The following MAP2K5 variants were observed in gnomAD, a reference collection of about 807,000 sequenced individuals.
MAP2K5 encodes mitogen-activated protein kinase kinase 5.
In MAP2K5, 49 loss-of-function variants were observed where a neutral mutation model predicts 83.1. The observed-to-expected ratio is 0.59, with a 90% CI of 0.47 to 0.75. The LOEUF is 0.75. Among genes scored for constraint, MAP2K5 ranks in the 30% least tolerant of loss-of-function variants. The probability of loss-of-function intolerance (pLI) is 0.00; values close to 1 mark genes in which losing one functional copy is unlikely to be tolerated. For synonymous variants in MAP2K5, 202 were observed against 191.8 expected (o/e 1.05, Z -0.44); for missense variants, 457 against 557.5 (o/e 0.82, Z 1.82).
chr15:67,806,519 C>T lies in MAP2K5; in HGVS notation c.1243-127C>T, dbSNP rs573898130. 105 of 786,330 alleles carry T rather than the reference C, an allele frequency of 1.3e-4. No homozygotes were observed. In the East Asian group the frequency reaches 2.7e-3, roughly 20 times the overall value. 48.7% of individuals were successfully genotyped at this position (786,330 alleles called of 1,614,324 possible). On this transcript the variant is annotated intron_variant, in intron 21 of 21. Transcript: ENST00000178640. ...TAGGCCGTGAAATGGAGCTGATAGC[C>T]TCCCTCGTTACCTCACAGGGTTACT...
At chr15:67,773,098 A>G (rs566630507) in intron 21 of MAP2K5, among the ~76,000 whole-genome samples, 24 of 152,276 alleles carry the variant, frequency 1.6e-4, no homozygotes, top group Admixed American at 7.8e-4. Flanking sequence ...TTTTAGTGCA[A>G]TTCTGCAGAA....
At chr15:67,796,566 C>T (rs12905175) in intron 21 of MAP2K5, among the ~76,000 whole-genome samples, 6,016 of 152,274 alleles carry the variant, frequency 0.04, 203 homozygotes, top group Non-Finnish European at 0.063. Flanking sequence ...ACCTCCTGTT[C>T]CAGTCACCTC....
intron 13 of MAP2K5, among the ~76,000 whole-genome samples, chr15:67,681,223 A>G (rs1219853721): frequency 6.6e-6 from 1 of 152,216 alleles, no homozygotes; most frequent in Non-Finnish European, 1.5e-5. Context: ...TATACAGGAT[A>G]TGATGTACAA....
intron 3 of MAP2K5, among the ~76,000 whole-genome samples, chr15:67,579,778 A>G (rs2085141742): frequency 6.6e-6 from 1 of 152,252 alleles, no homozygotes; most frequent in Non-Finnish European, 1.5e-5. Flanking sequence ...CTTCTAAAAA[A>G]AAACTTTTAA....
At chr15:67,756,093 TGCC>T (rs1320388679) in intron 19 of MAP2K5, among the ~76,000 whole-genome samples, 1 of 152,230 alleles carries the variant, frequency 6.6e-6, no homozygotes, top group Non-Finnish European at 1.5e-5. Flanking sequence ...AGCTGTGGCT[TGCC>T]ACAGTCCTAT....
intron 13 of MAP2K5, among the ~76,000 whole-genome samples, chr15:67,681,767 G>T (rs778579716): frequency 6.6e-6 from 1 of 152,158 alleles, no homozygotes; most frequent in Non-Finnish European, 1.5e-5. Context: ...GTATGAAAAG[G>T]ACCCATAATT....
chr15:67,693,486 A>G (rs1827881398), intron 14 of MAP2K5, 32 bp from the exon 15 acceptor site: 2 of 1,556,922 alleles, frequency 1.3e-6, no homozygotes, highest in East Asian at 2.3e-5. Flanking sequence ...CATTATCTTT[A>G]TATTGTTCTA....
chr15:67,744,683 A>T (rs1187469784), intron 17 of MAP2K5, among the ~76,000 whole-genome samples: 1 of 152,258 alleles, frequency 6.6e-6, no homozygotes, highest in East Asian at 1.9e-4. Context: ...ACAGAGAGCA[A>T]AGCATAAAGT....
In MAP2K5 at chr15:67,727,902, AT is replaced by A. The variant is rs1346409312; in HGVS notation, c.1045-11del. 3 of 1,606,608 alleles carry A rather than the reference AT, an allele frequency of 1.9e-6. No individual in the cohort carries two copies. The highest frequency in any genetic ancestry group is 2.6e-6 in the Non-Finnish European group (3 of 1,173,386). On this transcript the variant is annotated splice_polypyrimidine_tract_variant and intron_variant, in intron 16 of 21. Coordinates refer to ENST00000178640, the MANE Select transcript of MAP2K5 (RefSeq NM_145160.3). ...GCAAATCTATAACTAGACAAATATT[AT>A]TTCCTTTCCCAGCTTGCTCTTGGGA... is the stretch of plus-strand genomic sequence containing the variant.
Position 67,644,082 on chromosome 15 carries a change from C to T in MAP2K5, c.586-2149C>T, listed in dbSNP as rs1262000688. Among the ~76,000 whole-genome samples the T allele has an allele frequency of 1.3e-5, 2 of 152,198 alleles. No individual in the cohort carries two copies. Among genetic ancestry groups the T allele is most frequent in the Non-Finnish European group, 2.9e-5 (2 of 68,042 alleles). On this transcript the variant is annotated intron_variant, in intron 9 of 21. Coordinates refer to ENST00000178640, the MANE Select transcript of MAP2K5 (RefSeq NM_145160.3). This position sits in a 1 kb window ranked among gnomAD's most constrained non-coding sequence, Gnocchi z 4.6. ...AAAATTGTTTTCCACCTATTCTATT[C>T]TCATCACTGCCTTTTAAAAGTAAAA...
rs2090130151 is a variant in MAP2K5, at chr15:67,770,960, C to T, written c.1196+1297C>T. ...GTGTAGCTTTTAAAAACTATTTTTA[C>T]TCTGAAAACATTTTATTTCCAAAGC... is the stretch of plus-strand genomic sequence containing the variant. On this transcript the variant is annotated intron_variant, in intron 20 of 21. Transcript: ENST00000178640. This position sits in a 1 kb window ranked among gnomAD's most constrained non-coding sequence, Gnocchi z 5.0. Among the ~76,000 whole-genome samples, 1 of 151,946 alleles carries T rather than the reference C, an allele frequency of 6.6e-6. No homozygotes were observed. Among genetic ancestry groups the T allele is most frequent in the African/African-American group, 2.4e-5 (1 of 41,342 alleles).
In MAP2K5 at chr15:67,677,067, C is replaced by T. The variant is rs2087700910; in HGVS notation, c.847+12422C>T. 6.6e-6 allele frequency among the ~76,000 whole-genome samples: 1 copy of T among 152,166 alleles called. No homozygotes were observed. The highest frequency in any genetic ancestry group is 1.9e-4 in the East Asian group (1 of 5,204). On this transcript the variant is annotated intron_variant, in intron 13 of 21. Coordinates refer to ENST00000178640, the MANE Select transcript of MAP2K5 (RefSeq NM_145160.3). This position sits in a 1 kb window ranked among gnomAD's most constrained non-coding sequence, Gnocchi z 4.2. ...AACGTTCCTCACACTTTCCTGTTAACATCTCCTTTTCTTAGAAAATTAGCC... is the reference window on the plus strand; with the variant it reads ...AACGTTCCTCACACTTTCCTGTTAATATCTCCTTTTCTTAGAAAATTAGCC...
In MAP2K5 at chr15:67,760,070, A is replaced by G. The variant is rs1007830981; in HGVS notation, c.1135-9532A>G. Among the ~76,000 whole-genome samples, 1 of 152,248 alleles carries G rather than the reference A, an allele frequency of 6.6e-6. No homozygotes were observed. The highest frequency in any genetic ancestry group is 2.4e-5 in the African/African-American group (1 of 41,468). ...ATCTAATACCTTCTTTGAAAAGTCC[A>G]GTGTGTTTAAATTAATTCAGTTTGG... is the stretch of plus-strand genomic sequence containing the variant. On this transcript the variant is annotated intron_variant, in intron 19 of 21. Transcript: ENST00000178640. The surrounding 1 kb of genome is among the most constrained non-coding windows in gnomAD (Gnocchi z 4.1).
intron 13 of MAP2K5, among the ~76,000 whole-genome samples, chr15:67,682,366 G>A (rs773480190): frequency 2.6e-5 from 4 of 151,760 alleles, no homozygotes; most frequent in African/African-American, 4.8e-5. Flanking sequence ...TGGGACTACA[G>A]GCACACGCCA....
chr15:67,690,331 C>A lies in MAP2K5; in HGVS notation c.848-2148C>A, dbSNP rs2088073346. Among the ~76,000 whole-genome samples, 1 of 152,104 alleles carries A rather than the reference C, an allele frequency of 6.6e-6. No homozygotes were observed. Among genetic ancestry groups the A allele is most frequent in the Non-Finnish European group, 1.5e-5 (1 of 68,018 alleles). ...TACTGGGGCACACTTGAAAGCACAA[C>A]CCTGTTCTTAAGGAATTCATGTTCT... On this transcript the variant is annotated intron_variant, in intron 13 of 21. Transcript: ENST00000178640. The surrounding 1 kb of genome is among the most constrained non-coding windows in gnomAD (Gnocchi z 4.3).
intron 13 of MAP2K5, among the ~76,000 whole-genome samples, chr15:67,683,587 C>A (rs971695541): frequency 1.6e-4 from 25 of 152,182 alleles, no homozygotes; most frequent in African/African-American, 6.0e-4. Context: ...CATGGCGAAA[C>A]CCCATCACTA....
intron 13 of MAP2K5, among the ~76,000 whole-genome samples, chr15:67,667,542 G>T (rs968690740): frequency 6.6e-6 from 1 of 152,094 alleles, no homozygotes; most frequent in Non-Finnish European, 1.5e-5. Context: ...AGAAGATGGT[G>T]AAAGAGAAAT....
intron 16 of MAP2K5, among the ~76,000 whole-genome samples, chr15:67,713,862 G>A (rs766943915): frequency 2.0e-4 from 30 of 152,178 alleles, no homozygotes; most frequent in Non-Finnish European, 4.1e-4. Context: ...TTCAAGGGCT[G>A]TTATCCTAAT....
At chr15:67,693,246 G>A (rs116515581) in intron 14 of MAP2K5, among the ~76,000 whole-genome samples, 43 of 152,296 alleles carry the variant, frequency 2.8e-4, no homozygotes, top group African/African-American at 9.6e-4. Context: ...AGGCGGGTTT[G>A]GGATACTAAA....
Sources: gnomAD v4.1 joint callset for allele counts (sites outside exome capture counted in the v4.1 genomes callset) on GRCh38, gnomAD v4.1.1 for gene constraint, Gnocchi (gnomAD v3.1) non-coding constraint, MANE v1.5 for transcripts, NCBI Gene and HGNC (gene_info 2026-07-23, HGNC 2026-07-21) for gene names.